Variants in GOSR2 observed in about 807,000 individuals in gnomAD.
GOSR2 encodes the protein golgi SNAP receptor complex member 2, also known as 27 kDa Golgi SNARE protein.
GOSR2 carries 20 observed loss-of-function variants against 27.9 expected under a neutral mutation model. The ratio of observed to expected loss-of-function variants is 0.72; its 90% CI spans 0.50 to 1.04. The LOEUF (loss-of-function observed/expected upper bound fraction) is 1.04. GOSR2 is among the 50% of genes least tolerant of loss of function. The pLI, the probability that GOSR2 is intolerant of heterozygous loss-of-function variation, is 0.00. For synonymous variants in GOSR2, 91 were observed against 98.8 expected, an observed-to-expected ratio of 0.92 and a Z score of 0.47; for missense variants, 261 against 270.5, an observed-to-expected ratio of 0.97 and a Z score of 0.25.
chr17:46,945,629 C>T (rs911398844), downstream of GOSR2, among the ~76,000 whole-genome samples: 5 of 152,148 alleles, frequency 3.3e-5, no homozygotes, highest in African/African-American at 1.2e-4. Context: ...AGCAGTTCTC[C>T]CTTCTTTCCA....
intron 6 of GOSR2, chr17:46,965,102 T>C (rs9913047): frequency 2.1e-4 from 32 of 152,316 alleles, no homozygotes; most frequent in African/African-American, 6.5e-4. Flanking sequence ...ATCACATTTT[T>C]AGAAGTGGAG....
At chr17:46,966,401 G>T in intron 6 of GOSR2, 1 of 562,880 alleles carries the variant, frequency 1.8e-6, no homozygotes, top group Admixed American at 3.0e-5. Context: ...TCAGATACCT[G>T]GTCCTTGTGA....
chr17:46,931,404 T>C, intron 3 of GOSR2, 197 bp downstream of exon 3: 1 of 608,644 alleles, frequency 1.6e-6, no homozygotes, highest in East Asian at 2.8e-5. Flanking sequence ...GTGAGGTTTG[T>C]GACTCAGAAA....
chr17:46,958,844 G>A (rs9898527), intron 6 of GOSR2, among the ~76,000 whole-genome samples: 61,179 of 152,138 alleles, frequency 0.4, 12,539 homozygotes, highest in South Asian at 0.48. Context: ...GCTCTAGCCT[G>A]CTCTGCTCCC....
At chr17:46,925,389 C>G (rs1169054661) in intron 1 of GOSR2, among the ~76,000 whole-genome samples, 3 of 152,260 alleles carry the variant, frequency 2.0e-5, no homozygotes, top group Non-Finnish European at 4.4e-5. Context: ...GTGCACCATT[C>G]TCAGTGCTGG....
chr17:46,951,126 C>T (rs185333639), intron 6 of GOSR2, among the ~76,000 whole-genome samples: 5 of 152,336 alleles, frequency 3.3e-5, no homozygotes, highest in Admixed American at 3.3e-4. Context: ...GGCATCATCT[C>T]TCCACACCCC....
At chr17:46,943,272 G>A (rs2089505992), downstream of GOSR2, among the ~76,000 whole-genome samples, 5 of 152,148 alleles carry the variant, frequency 3.3e-5, no homozygotes, top group Admixed American at 3.3e-4. Flanking sequence ...TGGCCATTGG[G>A]TGCCCCTCAT....
intron 6 of GOSR2, among the ~76,000 whole-genome samples, chr17:46,959,631 A>C (rs184923963): frequency 6.6e-6 from 1 of 152,358 alleles, no homozygotes; most frequent in Admixed American, 6.5e-5. Flanking sequence ...AAAACTTTTC[A>C]TACCAACTCC....
rs571352611 is a variant in GOSR2 at position 46,951,549 on chromosome 17, A to G, written c.583+12845A>G. On this transcript the variant is annotated intron_variant, in intron 6 of 6. Coordinates refer to the GOSR2 transcript ENST00000573224. Reference sequence around the variant, plus strand: ...AGCCCTTGAAAACGACCATATAATCACCTGCTAATTGGATTAGGAACTTGT... The same window carrying G: ...AGCCCTTGAAAACGACCATATAATCGCCTGCTAATTGGATTAGGAACTTGT... Among the ~76,000 whole-genome samples the G allele has an allele frequency of 3.9e-5, 6 of 152,068 alleles. No homozygotes were observed. In the South Asian group the frequency reaches 1.0e-3, roughly 26 times the overall value.
intron 5 of GOSR2, chr17:46,937,687 C>T (rs1052484871): frequency 6.6e-6 from 1 of 152,218 alleles, no homozygotes; most frequent in Admixed American, 6.5e-5. Flanking sequence ...ATTCATGCTA[C>T]TCTTTTCTAT....
Position 46,941,171 on chromosome 17 carries a change from A to G in GOSR2, c.*2411A>G, listed in dbSNP as rs951662692. On this transcript the variant is annotated 3_prime_UTR_variant, in exon 6 of 6. Coordinates refer to ENST00000640051, the MANE Select transcript of GOSR2 (RefSeq NM_004287.5). The stretch of plus-strand genomic sequence containing the variant: ...TTACATGGACATTTACTTCAGGGGG[A>G]CCACTGTAAGAAAAGCCAAACTCCA... 7.0e-6 allele frequency: 7 copies of G among 1,004,870 alleles called. No homozygotes were observed. The Admixed American group carries it at 3.1e-4, about 44-fold the overall frequency. 62.2% of individuals were successfully genotyped at this position (1,004,870 alleles called of 1,614,324 possible). A position where few individuals can be genotyped will look rare whatever the true frequency, so the allele number is the denominator to read the frequency against.
chr17:46,923,624 A>T (rs1169934152), intron 1 of GOSR2: 1 of 1,234,106 alleles, frequency 8.1e-7, no homozygotes, highest in Admixed American at 3.8e-5. Context: ...GTTTAATTGG[A>T]GAGTCAGGGC....
Position 46,941,051 on chromosome 17 carries a change from C to G in GOSR2, c.*2291C>G, listed in dbSNP as rs186093347. 118 of 1,085,450 alleles carry G rather than the reference C, an allele frequency of 1.1e-4. No individual in the cohort carries two copies. In the East Asian group the frequency reaches 4.8e-3, roughly 44 times the overall value. 67.2% of individuals were successfully genotyped at this position (1,085,450 alleles called of 1,614,324 possible). A position where few individuals can be genotyped will look rare whatever the true frequency, so the allele number is the denominator to read the frequency against. Reference sequence around the variant, plus strand: ...TTAGGTCGAGCTGATGCAAGAAACTCCGGTAGCCAGCCTCTGTGACCTTGT... The same window carrying G: ...TTAGGTCGAGCTGATGCAAGAAACTGCGGTAGCCAGCCTCTGTGACCTTGT... On this transcript the variant is annotated 3_prime_UTR_variant, in exon 6 of 6. Transcript: ENST00000640051.
In GOSR2 at chr17:46,940,151, A is replaced by T; in HGVS notation, c.*1391A>T. The T allele has an allele frequency of 7.6e-7, 1 of 1,310,050 alleles. No individual in the cohort carries two copies. The highest frequency in any genetic ancestry group is 1.8e-5 in the South Asian group (1 of 55,756). 81.2% of individuals were successfully genotyped at this position (1,310,050 alleles called of 1,614,324 possible). A position where few individuals can be genotyped will look rare whatever the true frequency, so the allele number is the denominator to read the frequency against. On this transcript the variant is annotated 3_prime_UTR_variant, in exon 6 of 6. Transcript: ENST00000640051. Reference sequence around the variant, plus strand: ...TTCCCCTCCCCGCTGCTCTGTAGTCATGTTGGTCCTTTCAGGCACCTCTGT... The same window carrying T: ...TTCCCCTCCCCGCTGCTCTGTAGTCTTGTTGGTCCTTTCAGGCACCTCTGT...
At position 46,958,359 on chromosome 17, in the gene GOSR2, C is replaced by T. The variant is rs75432468; in HGVS notation, c.584-8175C>T. 1.1e-3 allele frequency among the ~76,000 whole-genome samples: 163 copies of T among 152,328 alleles called. 2 individuals are homozygous for T. In the East Asian group the frequency reaches 0.028, roughly 26 times the overall value. Reference sequence around the variant, plus strand: ...GCAACAATTACCCAAAAATCCACTCCTGACAGTTGCAACAGCGGGAGCTAG... The same window carrying T: ...GCAACAATTACCCAAAAATCCACTCTTGACAGTTGCAACAGCGGGAGCTAG... On this transcript the variant is annotated intron_variant, in intron 6 of 6. Transcript: ENST00000573224.
chr17:46,946,844 C>T (rs755939445), downstream of GOSR2, among the ~76,000 whole-genome samples: 13 of 152,144 alleles, frequency 8.5e-5, no homozygotes, highest in Admixed American at 3.3e-4. Context: ...GCCTGGGTGA[C>T]GAAATGAGAC....
At chr17:46,929,705 G>A in intron 2 of GOSR2, 121 bp downstream of exon 2, 1 of 688,458 alleles carries the variant, frequency 1.5e-6, no homozygotes, top group East Asian at 2.7e-5. Context: ...GAGTTTTGTT[G>A]TTAGGGTGGA....
At chr17:46,972,203 C>T (rs949254149) in intron 6 of GOSR2, among the ~76,000 whole-genome samples, 1 of 152,222 alleles carries the variant, frequency 6.6e-6, no homozygotes, top group African/African-American at 2.4e-5. Flanking sequence ...AGGCGAGACC[C>T]TGGCTTCCTG....
At chr17:46,925,258 C>G (rs922544865) in intron 1 of GOSR2, among the ~76,000 whole-genome samples, 1 of 152,296 alleles carries the variant, frequency 6.6e-6, no homozygotes, top group African/African-American at 2.4e-5. Flanking sequence ...TACCTGTGTT[C>G]CAGTACAATT....
Sources: gnomAD v4.1 joint callset for allele counts (sites outside exome capture counted in the v4.1 genomes callset) on GRCh38, gnomAD v4.1.1 for gene constraint, MANE v1.5 for transcripts, NCBI Gene and HGNC (gene_info 2026-07-23, HGNC 2026-07-21) for gene names.